CDK19: variants seen among roughly 807,000 people sequenced by gnomAD.
CDK19 encodes cyclin-dependent kinase 19.
Under a neutral mutation model 68.3 loss-of-function variants are expected in CDK19, and 20 were observed. The ratio of observed to expected loss-of-function variants is 0.29; its 90% confidence interval spans 0.21 to 0.43. The LOEUF is 0.43. Among genes scored for constraint, CDK19 ranks in the 20% least tolerant of loss-of-function variants. The pLI is 1.00. For synonymous variants in CDK19, 221 were observed against 222.8 expected, an observed-to-expected ratio of 0.99 and a Z score of 0.07; for missense variants, 339 against 623.5, an observed-to-expected ratio of 0.54 and a Z score of 4.86.
At chr6:110,619,453 AGAG>A (rs1192167231) in intron 12 of CDK19, among the ~76,000 whole-genome samples, 4 of 151,858 alleles carry the variant, frequency 2.6e-5, no homozygotes, top group African/African-American at 4.8e-5. Context: ...GCAGCACAGT[AGAG>A]GAGGTGTTGT....
At chr6:110,751,500 G>C (rs1337574651) in intron 1 of CDK19, among the ~76,000 whole-genome samples, 1 of 152,084 alleles carries the variant, frequency 6.6e-6, no homozygotes, top group Non-Finnish European at 1.5e-5. Context: ...GACTCCTGCT[G>C]ATTCTACGTT....
intron 4 of CDK19, among the ~76,000 whole-genome samples, chr6:110,667,176 T>C (rs1017210423): frequency 2.6e-5 from 4 of 152,208 alleles, no homozygotes; most frequent in African/African-American, 9.6e-5. Flanking sequence ...ATTAAAATTG[T>C]ACAGTAATCA....
chr6:110,764,980 T>TAAATAAATAAATAAATAAAA (rs1175053312), intron 1 of CDK19, among the ~76,000 whole-genome samples: 4 of 149,750 alleles, frequency 2.7e-5, no homozygotes, highest in Admixed American at 1.3e-4. Context: ...AATAAATAAA[T>TAAATAAATAAATAAATAAAA]AAAAATTTTA....
At chr6:110,743,659 T>C (rs756168760) in intron 2 of CDK19, among the ~76,000 whole-genome samples, 13 of 151,684 alleles carry the variant, frequency 8.6e-5, no homozygotes, top group African/African-American at 1.2e-4. Context: ...AAAAAAAGAA[T>C]GAAGGCTGTA....
chr6:110,769,151 T>G, intron 1 of CDK19, among the ~76,000 whole-genome samples: 1 of 34,384 alleles, frequency 2.9e-5, no homozygotes, highest in Non-Finnish European at 5.1e-5. Flanking sequence ...AGACTCTGTC[T>G]CAAAAAAAAA....
At chr6:110,704,593 C>G (rs1774281826) in intron 2 of CDK19, among the ~76,000 whole-genome samples, 1 of 152,132 alleles carries the variant, frequency 6.6e-6, no homozygotes, top group Non-Finnish European at 1.5e-5. Flanking sequence ...TTATACATAA[C>G]CTATTTTTAC....
intron 2 of CDK19, among the ~76,000 whole-genome samples, chr6:110,739,013 G>T (rs1310972263): frequency 6.6e-6 from 1 of 152,174 alleles, no homozygotes; most frequent in Admixed American, 6.5e-5. Context: ...CACTGAGAAA[G>T]AACTGAGCAG....
At chr6:110,740,416 G>A (rs1582995692) in intron 2 of CDK19, among the ~76,000 whole-genome samples, 1 of 152,312 alleles carries the variant, frequency 6.6e-6, no homozygotes, top group South Asian at 2.1e-4. Flanking sequence ...GTGGCATAAT[G>A]TAAAGTGTAA....
chr6:110,704,241 G>A (rs1227094226), intron 2 of CDK19, among the ~76,000 whole-genome samples: 1 of 152,166 alleles, frequency 6.6e-6, no homozygotes, highest in African/African-American at 2.4e-5. Flanking sequence ...GACTAGTGGA[G>A]TATGAAATCA....
At position 110,797,968 on chromosome 6, in the gene CDK19, G is replaced by A. The variant is rs537735083; in HGVS notation, c.128+17041C>T. Reference sequence around the variant, plus strand: ...CCACTGCACTCCAGCCTGGGCGACAGAGCAAGACTCCGTCTCAAAAAAAAA... The same window carrying A: ...CCACTGCACTCCAGCCTGGGCGACAAAGCAAGACTCCGTCTCAAAAAAAAA... On this transcript the variant is annotated intron_variant, in intron 1 of 12. Coordinates refer to ENST00000368911, the MANE Select transcript of CDK19 (RefSeq NM_015076.5). 1.0e-4 allele frequency among the ~76,000 whole-genome samples: 12 copies of A among 118,330 alleles called. No individual in the cohort carries two copies. The East Asian group carries it at 2.7e-3, about 27-fold the overall frequency. 77.6% of individuals were successfully genotyped at this position (118,330 alleles called of 152,430 possible).
At chr6:110,767,630 A>C (rs1413928076) in intron 1 of CDK19, among the ~76,000 whole-genome samples, 5 of 151,974 alleles carry the variant, frequency 3.3e-5, no homozygotes, top group Non-Finnish European at 7.4e-5. Context: ...TGCTGGGATT[A>C]CTGGTGTGAG....
At chr6:110,623,981 G>A (rs2114645468) in intron 8 of CDK19, among the ~76,000 whole-genome samples, 1 of 149,558 alleles carries the variant, frequency 6.7e-6, no homozygotes, top group South Asian at 2.1e-4. Context: ...TCCATCAACT[G>A]AAAAATGGGT....
intron 2 of CDK19, among the ~76,000 whole-genome samples, chr6:110,701,191 G>A (rs556283490): frequency 1.1e-4 from 16 of 147,146 alleles, no homozygotes; most frequent in African/African-American, 2.3e-4. Flanking sequence ...GTGACAGAGC[G>A]AGACTCCATC....
At chr6:110,631,891 G>A in intron 6 of CDK19, 139 bp downstream of exon 6, 1 of 731,588 alleles carries the variant, frequency 1.4e-6, no homozygotes, top group South Asian at 1.7e-5. Flanking sequence ...AAATCTACCA[G>A]AAATCTAGGA....
At chr6:110,682,720 G>A (rs1199677779) in intron 2 of CDK19, among the ~76,000 whole-genome samples, 1 of 152,120 alleles carries the variant, frequency 6.6e-6, no homozygotes, top group Non-Finnish European at 1.5e-5. Flanking sequence ...AAAAAATATA[G>A]GTTTTAGAAT....
intron 2 of CDK19, among the ~76,000 whole-genome samples, chr6:110,678,380 C>T (rs79693865): frequency 0.028 from 4,277 of 152,200 alleles, 83 homozygotes; most frequent in South Asian, 0.082. Context: ...ACTGAGGTTG[C>T]GCTCTCTACC....
intron 1 of CDK19, among the ~76,000 whole-genome samples, chr6:110,754,715 C>T (rs138747927): frequency 0.01 from 1,545 of 152,040 alleles, 5 homozygotes; most frequent in Non-Finnish European, 0.016. Flanking sequence ...CTCCTGACCT[C>T]GTGATGCACC....
At chr6:110,801,523 T>A (rs1256805191) in intron 1 of CDK19, among the ~76,000 whole-genome samples, 3 of 152,106 alleles carry the variant, frequency 2.0e-5, no homozygotes, top group African/African-American at 7.2e-5. Context: ...TTGTGTGTTT[T>A]TTTTTTGAGA....
chr6:110,702,072 T>C (rs1325908523), intron 2 of CDK19, among the ~76,000 whole-genome samples: 2 of 151,336 alleles, frequency 1.3e-5, no homozygotes, highest in African/African-American at 2.4e-5. Flanking sequence ...ACCCGGCAGG[T>C]GGAGGTTGCA....
Sources: gnomAD v4.1 joint callset for allele counts (sites outside exome capture counted in the v4.1 genomes callset) on GRCh38, gnomAD v4.1.1 for gene constraint, MANE v1.5 for transcripts, NCBI Gene and HGNC (gene_info 2026-07-23, HGNC 2026-07-21) for gene names.